The following BBOX1 variants were observed in gnomAD, a reference collection of about 807,000 sequenced individuals.
BBOX1 encodes the protein gamma-butyrobetaine dioxygenase.
BBOX1 carries 35 observed loss-of-function variants against 41.6 expected under a neutral mutation model. The ratio of observed to expected loss-of-function variants is 0.84; its 90% CI spans 0.64 to 1.11. BBOX1 has a LOEUF of 1.11. BBOX1 is among the 50% of genes most tolerant of loss of function. The pLI is 0.00. For synonymous variants in BBOX1, 163 were observed against 154.7 expected (o/e 1.05, Z -0.40); for missense variants, 458 against 460.6 (o/e 0.99, Z 0.05).
At position 27,127,646 on chromosome 11, in the gene BBOX1, T is replaced by C. The variant is rs1859714053; in HGVS notation, c.*193T>C. On this transcript the variant is annotated 3_prime_UTR_variant, in exon 9 of 9. Transcript: ENST00000263182. ...ACTTTTTAGATGTTTCACCACTCTT[T>C]TGCAAATAAAGCATCCTTTCTGCTC... The C allele has an allele frequency of 6.3e-6, 4 of 630,094 alleles. No homozygotes were observed. The highest frequency in any genetic ancestry group is 1.0e-5 in the Non-Finnish European group (4 of 394,088). 39.0% of individuals were successfully genotyped at this position (630,094 alleles called of 1,614,324 possible).
At chr11:27,053,500 G>A (rs568286848) in intron 2 of BBOX1, among the ~76,000 whole-genome samples, 19 of 152,284 alleles carry the variant, frequency 1.2e-4, no homozygotes, top group Non-Finnish European at 2.2e-4. Flanking sequence ...AAGATATGCC[G>A]TCCGGCATTT....
At chr11:27,074,889 T>A (rs951478311) in intron 4 of BBOX1, among the ~76,000 whole-genome samples, 4 of 152,168 alleles carry the variant, frequency 2.6e-5, no homozygotes, top group African/African-American at 4.8e-5. Flanking sequence ...CCTCTGTGGG[T>A]CTGCAGGGTA....
chr11:27,096,596 C>A (rs749434087), intron 5 of BBOX1, among the ~76,000 whole-genome samples: 4 of 151,888 alleles, frequency 2.6e-5, no homozygotes, highest in Non-Finnish European at 4.4e-5. Context: ...CTTTGCCATT[C>A]AAGTAGGGTT....
At chr11:27,054,840 G>A (rs141413265) in intron 2 of BBOX1, among the ~76,000 whole-genome samples, 12 of 152,252 alleles carry the variant, frequency 7.9e-5, no homozygotes, top group South Asian at 2.1e-4. Flanking sequence ...CAGAAACAGC[G>A]CAATATTCTG....
intron 3 of BBOX1, 35 bp downstream of exon 3, chr11:27,055,684 C>G (rs746869939): frequency 7.1e-6 from 11 of 1,560,180 alleles, no homozygotes; most frequent in Non-Finnish European, 8.8e-6. Flanking sequence ...CCTTCTTTCT[C>G]AAGTTCAATA....
At chr11:27,123,456 G>A (rs1859536801) in intron 7 of BBOX1, among the ~76,000 whole-genome samples, 1 of 152,054 alleles carries the variant, frequency 6.6e-6, no homozygotes, top group South Asian at 2.1e-4. Context: ...CAGATCTTGA[G>A]GGTGACTGAA....
rs369796235 is a variant in BBOX1, at chr11:27,057,219, G to T, written c.238G>T (p.Asp80Tyr). The change falls in exon 4 of 9, where the codon GAT becomes TAT. Residue 80 changes from aspartate to tyrosine, a missense_variant. By Grantham distance (160) the Asp-to-Tyr change is radical. Coordinates refer to ENST00000263182, the MANE Select transcript of BBOX1 (RefSeq NM_003986.3). Reference sequence around the variant, plus strand: ...TTATAAGGTGTACATCACATGGCCCGATGAGCATTACAGTGAATTCCAGGC... The same window carrying T: ...TTATAAGGTGTACATCACATGGCCCTATGAGCATTACAGTGAATTCCAGGC... ...DRKKVYITWP[D>Y]EHYSEFQADW... is the part of the protein sequence containing the mutation. 6.2e-7 allele frequency: 1 copy of T among 1,606,248 alleles called. No individual in the cohort carries two copies. The highest frequency in any genetic ancestry group is 8.5e-7 in the Non-Finnish European group (1 of 1,178,214).
intron 6 of BBOX1, among the ~76,000 whole-genome samples, chr11:27,115,943 C>A (rs938897914): frequency 6.6e-5 from 10 of 152,006 alleles, no homozygotes; most frequent in African/African-American, 2.2e-4. Context: ...GGGTTTCCCT[C>A]AAAGTCACAT....
chr11:27,048,204 C>A (rs1851550622), intron 2 of BBOX1, among the ~76,000 whole-genome samples: 1 of 152,072 alleles, frequency 6.6e-6, no homozygotes. Flanking sequence ...TACATCGGAT[C>A]TCCAGAATTT....
rs1857013338 is a variant in BBOX1 at position 27,057,221 on chromosome 11, T to C, written c.240T>C (p.Asp80=). 6.2e-7 allele frequency: 1 copy of C among 1,606,556 alleles called. No individual in the cohort carries two copies. The part of the protein sequence containing the change: ...DRKKVYITWP[D]EHYSEFQADW... ...ATAAGGTGTACATCACATGGCCCGA[T>C]GAGCATTACAGTGAATTCCAGGCTG... The change falls in exon 4 of 9, where the codon GAT becomes GAC. Residue 80 remains aspartate, a synonymous_variant. Transcript: ENST00000263182.
chr11:27,094,464 A>C (rs981449925), intron 5 of BBOX1, among the ~76,000 whole-genome samples: 2 of 151,990 alleles, frequency 1.3e-5, no homozygotes, highest in African/African-American at 4.8e-5. Flanking sequence ...ACCACTTGAA[A>C]ACTGGGAGAT....
chr11:27,087,284 A>C (rs991598211), intron 4 of BBOX1, among the ~76,000 whole-genome samples: 1 of 152,036 alleles, frequency 6.6e-6, no homozygotes, highest in Non-Finnish European at 1.5e-5. Context: ...AATGGAGCAG[A>C]CTTCACTGTT....
At chr11:27,125,858 G>A in intron 8 of BBOX1, 38 bp downstream of exon 8, 1 of 1,583,544 alleles carries the variant, frequency 6.3e-7, no homozygotes. Flanking sequence ...CAAAAGCATG[G>A]ATTTTCTTCA....
intron 2 of BBOX1, among the ~76,000 whole-genome samples, chr11:27,047,715 T>G (rs951530731): frequency 6.6e-6 from 1 of 152,132 alleles, no homozygotes; most frequent in East Asian, 1.9e-4. Flanking sequence ...TATGCTAGTA[T>G]TTCCTAGCCT....
rs997513409 is a variant in BBOX1 at position 27,117,009 on chromosome 11, T to C, written c.639+1452T>C. On this transcript the variant is annotated intron_variant, in intron 6 of 8. Coordinates refer to ENST00000263182, the MANE Select transcript of BBOX1 (RefSeq NM_003986.3). ...CAGGAGAATCTCTGGGTGGACATTC[T>C]TTCTCTACATTTTTACAAAAGTTTC... Among the ~76,000 whole-genome samples, 5 of 152,040 alleles carry C rather than the reference T, an allele frequency of 3.3e-5. No individual in the cohort carries two copies. The East Asian group carries it at 9.6e-4, about 29-fold the overall frequency.
chr11:27,112,464 A>T (rs936170557), intron 5 of BBOX1, among the ~76,000 whole-genome samples: 4 of 151,928 alleles, frequency 2.6e-5, no homozygotes, highest in Non-Finnish European at 5.9e-5. Flanking sequence ...AGATAAATAC[A>T]CAAATGGAAC....
intron 4 of BBOX1, among the ~76,000 whole-genome samples, chr11:27,070,305 T>A (rs1170575151): frequency 6.6e-6 from 1 of 152,150 alleles, no homozygotes; most frequent in East Asian, 1.9e-4. Context: ...AAGTCCATTG[T>A]TGCTTTGTTG....
At chr11:27,093,421 C>T (rs1015170801) in intron 5 of BBOX1, 55 bp downstream of exon 5, 23 of 1,560,924 alleles carry the variant, frequency 1.5e-5, no homozygotes, top group Non-Finnish European at 1.9e-5. Flanking sequence ...TGAAATAGTT[C>T]CCAACTGAGG....
At chr11:27,085,090 G>A (rs998160820) in intron 4 of BBOX1, among the ~76,000 whole-genome samples, 1 of 151,920 alleles carries the variant, frequency 6.6e-6, no homozygotes, top group African/African-American at 2.4e-5. Flanking sequence ...TTACAGTTGG[G>A]GGAAGATAAG....
Sources: gnomAD v4.1 joint callset for allele counts (sites outside exome capture counted in the v4.1 genomes callset) on GRCh38, gnomAD v4.1.1 for gene constraint, MANE v1.5 for transcripts, NCBI Gene and HGNC (gene_info 2026-07-23, HGNC 2026-07-21) for gene names.